Variants in DPYD observed in about 807,000 individuals in gnomAD.
DPYD encodes dihydropyrimidine dehydrogenase.
Under a neutral mutation model 116.2 loss-of-function variants are expected in DPYD, and 109 were observed. The observed-to-expected ratio is 0.94, with a 90% CI of 0.80 to 1.10. The LOEUF (loss-of-function observed/expected upper bound fraction) is 1.10. DPYD is among the 50% of genes least tolerant of loss of function. The pLI is 0.00. For synonymous variants in DPYD, 440 were observed against 432.0 expected (o/e 1.02, Z -0.23); for missense variants, 1,302 against 1,254.5 (o/e 1.04, Z -0.57).
chr1:97,576,315 G>A (rs148063988), intron 10 of DPYD, among the ~76,000 whole-genome samples: 2 of 152,178 alleles, frequency 1.3e-5, no homozygotes, highest in East Asian at 3.9e-4. Flanking sequence ...AATATACAAT[G>A]TGTACCTGTA....
intron 14 of DPYD, among the ~76,000 whole-genome samples, chr1:97,390,376 A>C (rs1317933771): frequency 6.6e-6 from 1 of 152,070 alleles, no homozygotes; most frequent in East Asian, 1.9e-4. Context: ...ACAGCATGAG[A>C]CATTTGATTT....
intron 2 of DPYD, among the ~76,000 whole-genome samples, chr1:97,830,426 A>G (rs1669480241): frequency 6.6e-6 from 1 of 152,078 alleles, no homozygotes. Flanking sequence ...AAAATAAGAG[A>G]CAGAAGCCTG....
At chr1:97,739,423 C>T (rs1158454112) in intron 4 of DPYD, among the ~76,000 whole-genome samples, 1 of 152,032 alleles carries the variant, frequency 6.6e-6, no homozygotes, top group Admixed American at 6.6e-5. Flanking sequence ...ACTTCAAATC[C>T]TAATAAATCT....
At chr1:97,781,260 A>G (rs1666727169) in intron 3 of DPYD, among the ~76,000 whole-genome samples, 1 of 152,192 alleles carries the variant, frequency 6.6e-6, no homozygotes, top group African/African-American at 2.4e-5. Context: ...AAACTAATAA[A>G]TTTGCTTTAT....
intron 3 of DPYD, among the ~76,000 whole-genome samples, chr1:97,779,282 T>A (rs1415490085): frequency 7.1e-6 from 1 of 141,658 alleles, no homozygotes; most frequent in Non-Finnish European, 1.5e-5. Context: ...TTGCCCTTAT[T>A]GTCTCTATAA....
At chr1:97,198,890 G>A (rs1320276663) in intron 19 of DPYD, among the ~76,000 whole-genome samples, 1 of 152,126 alleles carries the variant, frequency 6.6e-6, no homozygotes, top group Non-Finnish European at 1.5e-5. Flanking sequence ...GCCCTACACA[G>A]GAGCAGAGTA....
intron 19 of DPYD, among the ~76,000 whole-genome samples, chr1:97,219,786 C>A (rs548561757): frequency 6.6e-6 from 1 of 152,170 alleles, no homozygotes; most frequent in African/African-American, 2.4e-5. Flanking sequence ...AATGTAAAGA[C>A]CTTGCCACTC....
chr1:97,672,611 A>C (rs1046341289), intron 8 of DPYD, among the ~76,000 whole-genome samples: 2 of 152,244 alleles, frequency 1.3e-5, no homozygotes, highest in Non-Finnish European at 2.9e-5. Context: ...ATAGTGACTA[A>C]ACAATTTACA....
chr1:97,739,839 AT>A (rs1283721805), intron 4 of DPYD, among the ~76,000 whole-genome samples: 1 of 152,126 alleles, frequency 6.6e-6, no homozygotes, highest in Non-Finnish European at 1.5e-5. Context: ...TTAAAAAAAA[AT>A]AAAGATCAAA....
rs1392152667 is a variant in DPYD at position 97,699,499 on chromosome 1, G to A, written c.532C>T (p.Pro178Ser). 3 of 1,613,422 alleles carry A rather than the reference G, an allele frequency of 1.9e-6. No individual in the cohort carries two copies. The highest frequency in any genetic ancestry group is 2.5e-6 in the Non-Finnish European group (3 of 1,179,558). ...TAGGCTTCAGACATTTTTTCTGGGG[G>A]AGGCAGCGAAGGATTTCTGATCTGT... is the stretch of plus-strand genomic sequence containing the variant. ...IPQIRNPSLP[P>S]PEKMSEAYSA... The change falls in exon 6 of 23, where the codon CCC becomes TCC. Residue 178 changes from proline to serine, a missense_variant. Physicochemically the swap from Pro to Ser is moderately conservative, Grantham distance 74. Transcript: ENST00000370192.
At chr1:97,112,095 T>C (rs1005807054) in intron 20 of DPYD, among the ~76,000 whole-genome samples, 1 of 152,152 alleles carries the variant, frequency 6.6e-6, no homozygotes, top group Admixed American at 6.6e-5. Context: ...TAGCAATGTC[T>C]CATAGCTTTT....
At chr1:97,684,820 C>A (rs573042118) in intron 7 of DPYD, among the ~76,000 whole-genome samples, 1 of 152,134 alleles carries the variant, frequency 6.6e-6, no homozygotes, top group African/African-American at 2.4e-5. Context: ...CTGAATAGAC[C>A]AATAACAAGT....
At chr1:97,375,237 A>G (rs1671547204) in intron 15 of DPYD, among the ~76,000 whole-genome samples, 1 of 152,152 alleles carries the variant, frequency 6.6e-6, no homozygotes, top group Non-Finnish European at 1.5e-5. Flanking sequence ...ATAGTTCACT[A>G]CTTTCTAAGT....
chr1:97,469,154 A>G (rs1677486992), intron 13 of DPYD, among the ~76,000 whole-genome samples: 1 of 152,186 alleles, frequency 6.6e-6, no homozygotes, highest in Non-Finnish European at 1.5e-5. Flanking sequence ...CCAGCTCATT[A>G]GGAACAAATA....
chr1:97,879,446 G>C (rs577442461), intron 2 of DPYD, among the ~76,000 whole-genome samples: 2 of 151,852 alleles, frequency 1.3e-5, no homozygotes, highest in East Asian at 2.0e-4. Flanking sequence ...TTCAAAAATT[G>C]CTCAGGAAAA....
intron 12 of DPYD, among the ~76,000 whole-genome samples, chr1:97,542,777 T>C (rs1053117668): frequency 2.0e-5 from 3 of 150,498 alleles, no homozygotes; most frequent in African/African-American, 7.4e-5. Context: ...CTTTTTAAAA[T>C]GCATCTTTTG....
intron 13 of DPYD, among the ~76,000 whole-genome samples, chr1:97,509,055 C>G (rs1397268690): frequency 6.6e-6 from 1 of 151,890 alleles, no homozygotes; most frequent in Non-Finnish European, 1.5e-5. Context: ...CGGCCATCAG[C>G]CAGCCACCAA....
intron 8 of DPYD, among the ~76,000 whole-genome samples, chr1:97,640,026 A>G (rs959258233): frequency 3.3e-5 from 5 of 152,160 alleles, no homozygotes; most frequent in Non-Finnish European, 7.3e-5. Context: ...GTTAATTTTC[A>G]AAACAAAAGC....
intron 13 of DPYD, among the ~76,000 whole-genome samples, chr1:97,480,765 GAGGTCAGGAGTTCAAGACC>G (rs1228250237): frequency 1.3e-5 from 2 of 152,178 alleles, no homozygotes; most frequent in African/African-American, 4.8e-5. Context: ...CAGATCACCT[GAGGTCAGGAGTTCAAGACC>G]AGCCTGGCCA....
Sources: allele counts gnomAD v4.1 joint callset (sites outside exome capture counted in the v4.1 genomes callset), GRCh38; gene constraint gnomAD v4.1.1; transcripts MANE v1.5; gene names NCBI Gene and HGNC (gene_info 2026-07-23, HGNC 2026-07-21).